POLR3B: variants seen among roughly 807,000 people sequenced by gnomAD.
POLR3B encodes DNA-directed RNA polymerase III subunit RPC2.
In POLR3B, 96 loss-of-function variants were observed where a neutral mutation model predicts 147.4. The ratio of observed to expected loss-of-function variants is 0.65; its 90% CI spans 0.55 to 0.77. The LOEUF (loss-of-function observed/expected upper bound fraction) is 0.77, where lower values mean the gene tolerates loss of function less well. Among genes scored for constraint, POLR3B ranks in the 30% least tolerant of loss-of-function variants. POLR3B has a pLI of 0.00. For synonymous variants in POLR3B, 461 were observed against 485.9 expected (o/e 0.95, Z 0.67); for missense variants, 1,036 against 1,413.5 (o/e 0.73, Z 4.28).
At chr12:106,458,510 G>A (rs774372547) in intron 21 of POLR3B, among the ~76,000 whole-genome samples, 2 of 152,106 alleles carry the variant, frequency 1.3e-5, no homozygotes, top group Non-Finnish European at 2.9e-5. Flanking sequence ...GATTAGAAGG[G>A]CACTAAAATA....
intron 10 of POLR3B, among the ~76,000 whole-genome samples, chr12:106,394,597 C>A (rs1321303582): frequency 1.3e-5 from 2 of 152,180 alleles, no homozygotes; most frequent in South Asian, 4.1e-4. Context: ...TTTCAAACAT[C>A]ATCATTGGGG....
chr12:106,465,916 T>A (rs1338299182), intron 23 of POLR3B, among the ~76,000 whole-genome samples: 2 of 152,224 alleles, frequency 1.3e-5, no homozygotes, highest in African/African-American at 4.8e-5. Context: ...AGTGCCACAA[T>A]AAACATACGT....
intron 11 of POLR3B, among the ~76,000 whole-genome samples, chr12:106,408,801 C>T (rs920696909): frequency 6.6e-6 from 1 of 152,196 alleles, no homozygotes; most frequent in Non-Finnish European, 1.5e-5. Context: ...AAGATCCCCA[C>T]TCACCATATG....
chr12:106,485,234 C>T (rs1050969951), intron 23 of POLR3B, among the ~76,000 whole-genome samples: 4 of 152,086 alleles, frequency 2.6e-5, no homozygotes, highest in Non-Finnish European at 4.4e-5. Flanking sequence ...CCAAACCAGT[C>T]CTGAGATAAG....
chr12:106,440,042 G>A (rs967445366), intron 18 of POLR3B, among the ~76,000 whole-genome samples: 1 of 152,166 alleles, frequency 6.6e-6, no homozygotes, highest in African/African-American at 2.4e-5. Context: ...TTGGGCGAGA[G>A]AGTGAGACCC....
intron 17 of POLR3B, among the ~76,000 whole-genome samples, chr12:106,437,416 G>A (rs1240702498): frequency 2.0e-5 from 3 of 152,004 alleles, no homozygotes; most frequent in Non-Finnish European, 4.4e-5. Context: ...CTCATTATGA[G>A]GTTTCTAAGG....
chr12:106,376,576 A>G (rs1282662879), intron 7 of POLR3B, 126 bp downstream of exon 7: 1 of 733,356 alleles, frequency 1.4e-6, no homozygotes, highest in Non-Finnish European at 2.4e-6. Context: ...TGTTCACAAA[A>G]CACCCAGAAA....
intron 23 of POLR3B, among the ~76,000 whole-genome samples, chr12:106,477,507 A>G (rs1275191633): frequency 2.7e-5 from 4 of 149,584 alleles, no homozygotes; most frequent in African/African-American, 1.0e-4. Context: ...TGTGCTAGCA[A>G]TCAGCGAGAC....
chr12:106,420,213 C>T (rs1024625405), intron 12 of POLR3B, among the ~76,000 whole-genome samples: 6 of 152,004 alleles, frequency 3.9e-5, no homozygotes, highest in Non-Finnish European at 8.8e-5. Context: ...CAGTGGGGCA[C>T]GGGGGTAGGG....
chr12:106,460,821 A>G (rs924948556), intron 22 of POLR3B, among the ~76,000 whole-genome samples: 17 of 152,192 alleles, frequency 1.1e-4, no homozygotes, highest in Non-Finnish European at 2.4e-4. Flanking sequence ...TTCCTTCTCC[A>G]CAGGCTAGAA....
At chr12:106,421,525 G>A (rs1295116773) in intron 12 of POLR3B, among the ~76,000 whole-genome samples, 1 of 152,066 alleles carries the variant, frequency 6.6e-6, no homozygotes, top group Non-Finnish European at 1.5e-5. Flanking sequence ...ATGAGGTTGA[G>A]CCCCTTTTCA....
At chr12:106,416,783 G>A (rs2037309255) in intron 12 of POLR3B, among the ~76,000 whole-genome samples, 1 of 152,120 alleles carries the variant, frequency 6.6e-6, no homozygotes, top group South Asian at 2.1e-4. Flanking sequence ...AGCCTGCAGG[G>A]TCCTTGATGA....
intron 12 of POLR3B, among the ~76,000 whole-genome samples, chr12:106,426,222 TTGTGTGTGTGTGTGTGTGTG>T (rs35090518): frequency 3.1e-5 from 4 of 131,130 alleles, no homozygotes; most frequent in Non-Finnish European, 6.4e-5. Context: ...GGCCTGCAAT[TTGTGTGTGTGTGTGTGTGTG>T]TGTGTGTGTG....
At chr12:106,409,172 T>C (rs977049564) in intron 11 of POLR3B, among the ~76,000 whole-genome samples, 1 of 152,082 alleles carries the variant, frequency 6.6e-6, no homozygotes, top group Non-Finnish European at 1.5e-5. Context: ...AGTTAGATGT[T>C]CCATGTAACT....
intron 12 of POLR3B, among the ~76,000 whole-genome samples, chr12:106,426,771 C>T (rs1373670667): frequency 1.4e-5 from 2 of 146,932 alleles, no homozygotes; most frequent in Non-Finnish European, 3.0e-5. Flanking sequence ...CCAATTTATA[C>T]CTTTACCAAT....
At chr12:106,500,088 C>T (rs2038573655) in intron 25 of POLR3B, 1 of 455,926 alleles carries the variant, frequency 2.2e-6, no homozygotes, top group Non-Finnish European at 4.4e-6. Context: ...GTCGGGCGCT[C>T]TGTGTCCATT....
At chr12:106,464,875 C>T (rs1410204439) in intron 23 of POLR3B, among the ~76,000 whole-genome samples, 1 of 152,158 alleles carries the variant, frequency 6.6e-6, no homozygotes, top group African/African-American at 2.4e-5. Context: ...GCCAGTGAAA[C>T]TATGTCAGAC....
chr12:106,361,674 AAAC>A (rs1355333274), intron 1 of POLR3B, among the ~76,000 whole-genome samples: 1 of 152,166 alleles, frequency 6.6e-6, no homozygotes, highest in African/African-American at 2.4e-5. Flanking sequence ...GGGGGAAGCT[AAAC>A]AACACTTTCA....
chr12:106,454,359 A>C, intron 19 of POLR3B, 143 bp from the exon 20 acceptor site: 1 of 634,056 alleles, frequency 1.6e-6, no homozygotes, highest in Non-Finnish European at 2.8e-6. Context: ...AGCCACCATG[A>C]GAGTATTGCT....
Sources: gnomAD v4.1 joint callset for allele counts (sites outside exome capture counted in the v4.1 genomes callset) on GRCh38, gnomAD v4.1.1 for gene constraint, MANE v1.5 for transcripts, NCBI Gene and HGNC (gene_info 2026-07-23, HGNC 2026-07-21) for gene names.